Variants in CCSER1 observed in about 807,000 individuals in gnomAD.
The protein encoded by CCSER1 is coiled-coil serine rich protein 1.
CCSER1 carries 41 observed loss-of-function variants against 82.0 expected under a neutral mutation model. The ratio of observed to expected loss-of-function variants is 0.50; its 90% CI spans 0.39 to 0.65. The LOEUF is 0.65. Among genes scored for constraint, CCSER1 ranks in the 30% least tolerant of loss-of-function variants. The probability of loss-of-function intolerance (pLI) is 0.00; values close to 1 mark genes in which losing one functional copy is unlikely to be tolerated. For synonymous variants in CCSER1, 414 were observed against 383.9 expected (o/e 1.08, Z -0.92); for missense variants, 1,119 against 1,064.2 (o/e 1.05, Z -0.72).
At chr4:91,281,421 A>G (rs1473275808) in intron 10 of CCSER1, among the ~76,000 whole-genome samples, 4 of 152,216 alleles carry the variant, frequency 2.6e-5, no homozygotes, top group African/African-American at 9.6e-5. Context: ...TGACTCTGAC[A>G]GTGTAATGAA....
intron 1 of CCSER1, among the ~76,000 whole-genome samples, chr4:90,169,679 T>C (rs1315693834): frequency 2.0e-5 from 3 of 152,088 alleles, no homozygotes. Context: ...GGTCTCTCTG[T>C]ACCACAAAAA....
At chr4:90,867,420 G>T (rs766688484) in intron 8 of CCSER1, among the ~76,000 whole-genome samples, 13 of 152,054 alleles carry the variant, frequency 8.5e-5, no homozygotes, top group Non-Finnish European at 1.6e-4. Context: ...ATACGTAGTT[G>T]CTATATATGT....
In CCSER1 at chr4:90,930,939, T is replaced by TATATATATATAC. The variant is rs749253663; in HGVS notation, c.2172+7493_2172+7494insTATATATATACA. Among the ~76,000 whole-genome samples the TATATATATATAC allele has an allele frequency of 6.5e-4, 88 of 135,064 alleles. 2 individuals are homozygous for TATATATATATAC. The highest frequency in any genetic ancestry group is 1.1e-3 in the South Asian group (5 of 4,370). The allele number at this position is 135,064 out of a possible 152,430, so 88.6% of individuals were successfully genotyped here. A position where few individuals can be genotyped will look rare whatever the true frequency, so the allele number is the denominator to read the frequency against. On this transcript the variant is annotated intron_variant, in intron 9 of 10. Coordinates refer to ENST00000509176, the MANE Select transcript of CCSER1 (RefSeq NM_001145065.2). ...ATATATATATATATATATATATATATACACATGACATATATATACATACAT... is the reference window on the plus strand; with the variant it reads ...ATATATATATATATATATATATATATATATATATATACACACATGACATATATATACATACAT...
At chr4:90,980,407 C>A (rs1398874022) in intron 9 of CCSER1, among the ~76,000 whole-genome samples, 1 of 151,732 alleles carries the variant, frequency 6.6e-6, no homozygotes. Context: ...TGTGAGTACA[C>A]AGAACAAGTG....
At chr4:91,467,626 G>A (rs112414998) in intron 10 of CCSER1, among the ~76,000 whole-genome samples, 1,557 of 152,090 alleles carry the variant, frequency 0.01, 11 homozygotes, top group Middle Eastern at 0.02. Context: ...AATATCCAGA[G>A]TCTACAAAGA....
At chr4:90,675,028 G>A (rs952269955) in intron 6 of CCSER1, among the ~76,000 whole-genome samples, 3 of 151,996 alleles carry the variant, frequency 2.0e-5, no homozygotes, top group African/African-American at 7.2e-5. Flanking sequence ...AAACCAGACT[G>A]CCAGGGTTCA....
At chr4:91,124,616 A>G (rs1727350457) in intron 10 of CCSER1, among the ~76,000 whole-genome samples, 2 of 151,640 alleles carry the variant, frequency 1.3e-5, no homozygotes. Flanking sequence ...ATATGAATGT[A>G]CCTGTTTTAG....
intron 10 of CCSER1, among the ~76,000 whole-genome samples, chr4:91,305,318 A>T (rs151119407): frequency 6.6e-6 from 1 of 152,102 alleles, no homozygotes; most frequent in Non-Finnish European, 1.5e-5. Flanking sequence ...TAAAATGACT[A>T]TAACAGTAAA....
In CCSER1 at chr4:90,403,516, A is replaced by G. The variant is rs1034386876; in HGVS notation, c.1603+3387A>G. Among the ~76,000 whole-genome samples, 94 of 150,076 alleles carry G rather than the reference A, an allele frequency of 6.3e-4. No individual in the cohort carries two copies. In the East Asian group the frequency reaches 0.017, roughly 27 times the overall value. On this transcript the variant is annotated intron_variant, in intron 4 of 10. Transcript: ENST00000509176. ...TCCGTCTCAAAAAAAAAAAAAAAAA[A>G]AAAAGAAAAAAGACCTCAGATTATA... is the stretch of plus-strand genomic sequence containing the variant.
chr4:90,683,073 G>A (rs992620589), intron 6 of CCSER1: 1 of 152,300 alleles, frequency 6.6e-6, no homozygotes, highest in Non-Finnish European at 1.5e-5. Context: ...TATTTCTGAA[G>A]AGTCTCCTGG....
At chr4:91,303,860 A>C (rs1309959207) in intron 10 of CCSER1, among the ~76,000 whole-genome samples, 1 of 151,984 alleles carries the variant, frequency 6.6e-6, no homozygotes, top group Non-Finnish European at 1.5e-5. Flanking sequence ...ATAAAATAAA[A>C]ATTGTATCAT....
chr4:91,334,875 T>C (rs2149280500), intron 10 of CCSER1, among the ~76,000 whole-genome samples: 1 of 152,032 alleles, frequency 6.6e-6, no homozygotes, highest in Non-Finnish European at 1.5e-5. Flanking sequence ...GTGAGGAAGA[T>C]ACATTTATTC....
intron 7 of CCSER1, among the ~76,000 whole-genome samples, chr4:90,791,661 T>C (rs190276958): frequency 3.4e-4 from 52 of 152,132 alleles, no homozygotes; most frequent in East Asian, 1.4e-3. Context: ...CCATCCTGGC[T>C]AACACAGTGA....
At chr4:91,543,235 T>G (rs1055484862) in intron 10 of CCSER1, among the ~76,000 whole-genome samples, 2 of 152,336 alleles carry the variant, frequency 1.3e-5, no homozygotes, top group East Asian at 3.9e-4. Context: ...AGCACACTGA[T>G]GGGTCTTGAC....
chr4:90,278,553 C>G (rs1728293080), intron 1 of CCSER1, among the ~76,000 whole-genome samples: 1 of 151,964 alleles, frequency 6.6e-6, no homozygotes, highest in Non-Finnish European at 1.5e-5. Context: ...AGGCCATTAT[C>G]CTAAGTGAAC....
At chr4:90,738,387 G>T (rs1745999607) in intron 7 of CCSER1, among the ~76,000 whole-genome samples, 1 of 152,096 alleles carries the variant, frequency 6.6e-6, no homozygotes, top group African/African-American at 2.4e-5. Context: ...TACTGCCTTG[G>T]TTCTTGGCTA....
chr4:90,667,834 T>C (rs980302330), intron 6 of CCSER1, among the ~76,000 whole-genome samples: 1 of 152,170 alleles, frequency 6.6e-6, no homozygotes, highest in African/African-American at 2.4e-5. Context: ...ATTGCTATGA[T>C]TTTTTACCTA....
intron 8 of CCSER1, among the ~76,000 whole-genome samples, chr4:90,835,827 C>G (rs879649405): frequency 1.3e-5 from 2 of 152,102 alleles, no homozygotes; most frequent in Non-Finnish European, 2.9e-5. Context: ...GAGACTTTTG[C>G]TGCAGTCTAC....
At chr4:90,863,600 G>A (rs1379209488) in intron 8 of CCSER1, among the ~76,000 whole-genome samples, 1 of 151,128 alleles carries the variant, frequency 6.6e-6, no homozygotes, top group Non-Finnish European at 1.5e-5. Context: ...TAACAATGTA[G>A]TAAAATTGTA....
Sources: allele counts gnomAD v4.1 joint callset (sites outside exome capture counted in the v4.1 genomes callset), GRCh38; gene constraint gnomAD v4.1.1; transcripts MANE v1.5; gene names NCBI Gene and HGNC (gene_info 2026-07-23, HGNC 2026-07-21).